Variants in SCN9A observed in about 807,000 individuals in gnomAD.
SCN9A encodes the protein sodium voltage-gated channel alpha subunit 9.
A neutral mutation model predicts 187.0 loss-of-function variants in SCN9A; 131 were observed. That is an observed-to-expected ratio of 0.70 (90% CI 0.61 to 0.81). SCN9A has a LOEUF of 0.81. Among genes scored for constraint, SCN9A ranks in the 30% least tolerant of loss-of-function variants. The pLI is 0.00. For synonymous variants in SCN9A, 809 were observed against 808.6 expected, an observed-to-expected ratio of 1.00 and a Z score of -0.01; for missense variants, 2,252 against 2,396.6, an observed-to-expected ratio of 0.94 and a Z score of 1.26.
intron 2 of SCN9A, 117 bp downstream of exon 2, chr2:166,311,382 T>TTTATA (rs1698949989): frequency 1.2e-5 from 1 of 83,550 alleles, no homozygotes; most frequent in Non-Finnish European, 2.2e-5. Flanking sequence ...ATATATTTAA[T>TTTATA]TTAACATTCT....
chr2:166,336,295 A>G (rs1378220826), intron 1 of SCN9A, among the ~76,000 whole-genome samples: 1 of 152,130 alleles, frequency 6.6e-6, no homozygotes, highest in African/African-American at 2.4e-5. Context: ...CCAACTGTCA[A>G]ATTTTTGTAA....
In SCN9A at chr2:166,278,284, C is replaced by T. The variant is rs1697326785; in HGVS notation, c.2373G>A (p.Met791Ile). ...LVFTGIFAAE[M>I]VLKLIAMDPY... ...GATCCATGGCAATCAGTTTTAATAC[C>T]ATTTCAGCTGCAAAGATTCCAGTAA... Residue 791 changes from methionine to isoleucine, a missense_variant, in exon 15 of 27, where the codon ATG (methionine) becomes ATA (isoleucine). Coordinates refer to ENST00000642356, the MANE Select transcript of SCN9A (RefSeq NM_001365536.1). The T allele has an allele frequency of 1.2e-6, 2 of 1,606,768 alleles. No homozygotes were observed. Among genetic ancestry groups the T allele is most frequent in the African/African-American group, 2.7e-5 (2 of 74,638 alleles).
intron 1 of SCN9A, among the ~76,000 whole-genome samples, chr2:166,365,159 C>A (rs1174897774): frequency 6.6e-6 from 1 of 152,070 alleles, no homozygotes; most frequent in Non-Finnish European, 1.5e-5. Context: ...AGCCCTGCCC[C>A]CTGCCCCAAA....
At chr2:166,371,346 C>G (rs1291873733) in intron 1 of SCN9A, among the ~76,000 whole-genome samples, 2 of 152,120 alleles carry the variant, frequency 1.3e-5, no homozygotes, top group African/African-American at 4.8e-5. Context: ...CAAGGCATTC[C>G]CCTCTTCCTT....
Position 166,311,553 on chromosome 2 carries a change from G to A in SCN9A, c.204C>T (p.Pro68=), listed in dbSNP as rs1011434055. The A allele has an allele frequency of 4.1e-5, 66 of 1,612,486 alleles. No individual in the cohort carries two copies. Among genetic ancestry groups the A allele is most frequent in the Non-Finnish European group, 5.3e-5 (63 of 1,179,400 alleles). ...QLPFIYGDIP[P]GMVSEPLEDL... ...CCTCCAGGGGCTCTGACACCATGCC[G>A]GGAGGAATGTCCCCATAGATGAAGG... The change falls in exon 2 of 27, where the codon CCC becomes CCT. Residue 68 remains proline (P), a synonymous_variant. Transcript: ENST00000642356.
chr2:166,272,550 TCCACGCTGCTTCCAAAA>T lies in SCN9A; in HGVS notation c.3183_3199del (p.Phe1062GlnfsTer8), dbSNP rs1317855790. On this transcript the variant is annotated frameshift_variant, in exon 17 of 27. Transcript: ENST00000642356. LOFTEE classifies it high-confidence loss of function. ...ATCACTGTCTTCCATCAAGTGTTTGTCCACGCTGCTTCCAAAACCACTGATTTTATCTTTTTCCTTGA... is the reference window on the plus strand; with the variant it reads ...ATCACTGTCTTCCATCAAGTGTTTGTCCACTGATTTTATCTTTTTCCTTGA... 1 of 1,613,410 alleles carries T rather than the reference TCCACGCTGCTTCCAAAA, an allele frequency of 6.2e-7. No individual in the cohort carries two copies. Among genetic ancestry groups the T allele is most frequent in the African/African-American group, 1.3e-5 (1 of 74,890 alleles).
chr2:166,353,547 G>T (rs577214491), intron 1 of SCN9A, among the ~76,000 whole-genome samples: 1 of 152,088 alleles, frequency 6.6e-6, no homozygotes, highest in African/African-American at 2.4e-5. Flanking sequence ...TTCCCCAAAG[G>T]TCAGCTAGAT....
chr2:166,315,799 A>G (rs1171009584), intron 1 of SCN9A, among the ~76,000 whole-genome samples: 1 of 152,176 alleles, frequency 6.6e-6, no homozygotes, highest in Non-Finnish European at 1.5e-5. Flanking sequence ...AGAAGATGCA[A>G]TGATGGGGCA....
At chr2:166,346,958 G>A (rs1177874015) in intron 1 of SCN9A, among the ~76,000 whole-genome samples, 1 of 152,184 alleles carries the variant, frequency 6.6e-6, no homozygotes, top group Non-Finnish European at 1.5e-5. Context: ...ACTCTGAAGA[G>A]ATGGATATTT....
At chr2:166,345,556 T>C (rs1008907439) in intron 1 of SCN9A, among the ~76,000 whole-genome samples, 1 of 151,820 alleles carries the variant, frequency 6.6e-6, no homozygotes, top group Non-Finnish European at 1.5e-5. Flanking sequence ...GGTTTATTGA[T>C]TGATATAAAA....
At chr2:166,321,074 A>G (rs1699225789) in intron 1 of SCN9A, among the ~76,000 whole-genome samples, 2 of 152,252 alleles carry the variant, frequency 1.3e-5, no homozygotes, top group South Asian at 4.1e-4. Context: ...GTACACATAC[A>G]TCAATGACCA....
At chr2:166,368,278 A>G (rs1039670188) in intron 1 of SCN9A, among the ~76,000 whole-genome samples, 2 of 152,224 alleles carry the variant, frequency 1.3e-5, no homozygotes, top group African/African-American at 2.4e-5. Flanking sequence ...AGACTGTTAC[A>G]TTAATATTAT....
In SCN9A at chr2:166,272,691, A is replaced by G; in HGVS notation, c.3059T>C (p.Ile1020Thr). ...TTCTGCTTGTCTTATCTCCCTGGAA[A>G]TCTTTGGCTTTTTGGAAAATGCTTT... Reference protein sequence around the residue: ...ILKAFSKKPKISREIRQAEDL... With the variant: ...ILKAFSKKPKTSREIRQAEDL... Residue 1020 changes from isoleucine to threonine, a missense_variant, in exon 17 of 27, where the codon ATT becomes ACT. By Grantham distance (89) the Ile-to-Thr change is moderately conservative. Transcript: ENST00000642356. 2 of 1,599,748 alleles carry G rather than the reference A, an allele frequency of 1.3e-6. No individual in the cohort carries two copies. The highest frequency in any genetic ancestry group is 4.5e-5 in the East Asian group (2 of 44,564).
chr2:166,281,737 A>G lies in SCN9A; in HGVS notation c.2046T>C (p.Asp682=). The change falls in exon 13 of 27, where the codon GAT becomes GAC. Residue 682 remains aspartate (D), a synonymous_variant. Transcript: ENST00000642356. ...TCATTGCTCTCTGTCTGAGGTTGGG[A>G]TCATTCAGCATATCCTCTGAAAGGA... The part of the protein sequence containing the change: ...SYLLSEDMLN[D]PNLRQRAMSR... The G allele has an allele frequency of 6.2e-7, 1 of 1,613,296 alleles. No individual in the cohort carries two copies. Among genetic ancestry groups the G allele is most frequent in the Middle Eastern group, 1.7e-4 (1 of 6,054 alleles).
chr2:166,317,188 G>A (rs1203609088), intron 1 of SCN9A, among the ~76,000 whole-genome samples: 1 of 151,346 alleles, frequency 6.6e-6, no homozygotes, highest in Admixed American at 6.6e-5. Context: ...TTTGTACAAC[G>A]AAAATGTCAT....
intron 1 of SCN9A, among the ~76,000 whole-genome samples, chr2:166,369,695 C>A (rs368307024): frequency 1.3e-5 from 2 of 152,182 alleles, no homozygotes; most frequent in East Asian, 1.9e-4. Flanking sequence ...ATAAAGGCAT[C>A]ACTTACCAAT....
chr2:166,296,395 T>C (rs536390350), intron 7 of SCN9A, among the ~76,000 whole-genome samples: 2 of 152,220 alleles, frequency 1.3e-5, no homozygotes, highest in East Asian at 3.9e-4. Context: ...GATAAAACAA[T>C]AAAGCCTTGC....
At chr2:166,374,755 A>G (rs1700648033) in intron 1 of SCN9A, among the ~76,000 whole-genome samples, 1 of 152,156 alleles carries the variant, frequency 6.6e-6, no homozygotes, top group Non-Finnish European at 1.5e-5. Flanking sequence ...GAACTTCCCA[A>G]CACTGACTTC....
At chr2:166,230,305 T>G (rs968216710) in intron 21 of SCN9A, among the ~76,000 whole-genome samples, 3 of 152,166 alleles carry the variant, frequency 2.0e-5, no homozygotes. Context: ...ATTATGGTTG[T>G]GCTGTCTTTC....
Sources: gnomAD v4.1 joint callset for allele counts (sites outside exome capture counted in the v4.1 genomes callset) on GRCh38, gnomAD v4.1.1 for gene constraint, MANE v1.5 for transcripts, NCBI Gene and HGNC (gene_info 2026-07-23, HGNC 2026-07-21) for gene names.